Variants in FARS2 observed in about 807,000 individuals in gnomAD.
FARS2 encodes the protein phenylalanyl-tRNA synthetase 2, mitochondrial.
In FARS2, 40 loss-of-function variants were observed where a neutral mutation model predicts 46.4. The observed-to-expected ratio is 0.86, with a 90% CI of 0.67 to 1.12. The LOEUF (loss-of-function observed/expected upper bound fraction) is 1.12. Ranked by LOEUF, FARS2 falls within the 50% of genes most tolerant of loss-of-function variation. The pLI, the probability that FARS2 is intolerant of heterozygous loss-of-function variation, is 0.00. For missense variants in FARS2, 513 were observed against 567.9 expected, an observed-to-expected ratio of 0.90 and a Z score of 0.98; for synonymous variants, 234 against 214.9, an observed-to-expected ratio of 1.09 and a Z score of -0.78.
At chr6:5,537,581 G>T (rs1770295784) in intron 4 of FARS2, among the ~76,000 whole-genome samples, 1 of 143,500 alleles carries the variant, frequency 7.0e-6, no homozygotes, top group Non-Finnish European at 1.5e-5. Flanking sequence ...TCTCGAGTTG[G>T]AGATGTCCCG....
intron 4 of FARS2, among the ~76,000 whole-genome samples, chr6:5,533,636 T>C (rs1190949394): frequency 1.3e-5 from 2 of 152,178 alleles, no homozygotes; most frequent in African/African-American, 4.8e-5. Flanking sequence ...GAAAAGGCTG[T>C]AGCGTATTAG....
chr6:5,735,201 A>C (rs1760875025), intron 6 of FARS2, among the ~76,000 whole-genome samples: 2 of 152,246 alleles, frequency 1.3e-5, no homozygotes, highest in Admixed American at 1.3e-4. Context: ...ACATCTATGC[A>C]ATATGTCTAT....
chr6:5,769,752 C>A (rs1406290188), intron 6 of FARS2, among the ~76,000 whole-genome samples: 1 of 152,210 alleles, frequency 6.6e-6, no homozygotes, highest in Non-Finnish European at 1.5e-5. Flanking sequence ...AGAAAACTTC[C>A]ACCCCCAGCC....
chr6:5,461,242 A>G (rs1464506353), intron 4 of FARS2, among the ~76,000 whole-genome samples: 1 of 151,756 alleles, frequency 6.6e-6, no homozygotes, highest in Non-Finnish European at 1.5e-5. Flanking sequence ...GTTTCACTAC[A>G]TTGCCTAGGC....
intron 6 of FARS2, among the ~76,000 whole-genome samples, chr6:5,671,971 C>T (rs1778490254): frequency 6.6e-6 from 1 of 152,220 alleles, no homozygotes; most frequent in Non-Finnish European, 1.5e-5. Flanking sequence ...TTGCGGAAGA[C>T]ATTGTCCTAC....
At chr6:5,473,510 G>C (rs1481347530) in intron 4 of FARS2, among the ~76,000 whole-genome samples, 6 of 134,748 alleles carry the variant, frequency 4.5e-5, no homozygotes, top group Non-Finnish European at 9.2e-5. Context: ...CTGGGCGACA[G>C]AGCGAGACTC....
chr6:5,587,422 T>C (rs1773678227), intron 5 of FARS2, among the ~76,000 whole-genome samples: 1 of 152,232 alleles, frequency 6.6e-6, no homozygotes, highest in African/African-American at 2.4e-5. Flanking sequence ...CATGAAATAC[T>C]GTTTTCAAAA....
chr6:5,729,014 G>A (rs1487419622), intron 6 of FARS2, among the ~76,000 whole-genome samples: 4 of 152,176 alleles, frequency 2.6e-5, no homozygotes, highest in African/African-American at 7.2e-5. Flanking sequence ...TAGGACGCCC[G>A]CTACCTGGGA....
intron 4 of FARS2, among the ~76,000 whole-genome samples, chr6:5,437,642 A>G (rs1000322961): frequency 3.3e-5 from 5 of 152,076 alleles, no homozygotes; most frequent in African/African-American, 1.2e-4. Context: ...TGTTTCATTT[A>G]TATTACAATA....
intron 1 of FARS2, among the ~76,000 whole-genome samples, chr6:5,324,805 C>G (rs1001558401): frequency 3.9e-5 from 6 of 152,074 alleles, no homozygotes; most frequent in African/African-American, 1.4e-4. Flanking sequence ...GAAGAAGTGC[C>G]CCAAGGTCAC....
At chr6:5,432,620 A>G (rs1763292456) in intron 4 of FARS2, among the ~76,000 whole-genome samples, 1 of 148,690 alleles carries the variant, frequency 6.7e-6, no homozygotes, top group South Asian at 2.1e-4. Context: ...AGTGAGCACC[A>G]AATTGGATAG....
chr6:5,376,814 T>G (rs1044560595), intron 2 of FARS2, among the ~76,000 whole-genome samples: 1 of 152,198 alleles, frequency 6.6e-6, no homozygotes, highest in Non-Finnish European at 1.5e-5. Flanking sequence ...CTTTGTCTAT[T>G]TCTCTTTTTA....
At chr6:5,461,088 G>A (rs182076084) in intron 4 of FARS2, among the ~76,000 whole-genome samples, 1 of 151,836 alleles carries the variant, frequency 6.6e-6, no homozygotes, top group Non-Finnish European at 1.5e-5. Flanking sequence ...ATTTAAGTTG[G>A]AGTGCAGTGG....
chr6:5,629,305 C>A (rs1776180735), intron 6 of FARS2, among the ~76,000 whole-genome samples: 1 of 152,138 alleles, frequency 6.6e-6, no homozygotes, highest in African/African-American at 2.4e-5. Context: ...AAACGTGTCA[C>A]CATGATTTCA....
intron 4 of FARS2, among the ~76,000 whole-genome samples, chr6:5,528,407 T>G (rs1030973198): frequency 6.6e-6 from 1 of 152,172 alleles, no homozygotes; most frequent in Non-Finnish European, 1.5e-5. Flanking sequence ...GTTCAGGATG[T>G]TTAAAGTGAC....
chr6:5,459,268 C>CTAA (rs1449856815), intron 4 of FARS2, among the ~76,000 whole-genome samples: 2 of 152,192 alleles, frequency 1.3e-5, no homozygotes, highest in African/African-American at 4.8e-5. Context: ...ATCTAATTAA[C>CTAA]CTTTAGCTAA....
At chr6:5,626,365 T>C (rs1198800341) in intron 6 of FARS2, among the ~76,000 whole-genome samples, 1 of 152,050 alleles carries the variant, frequency 6.6e-6, no homozygotes, top group Non-Finnish European at 1.5e-5. Flanking sequence ...CCAGAAGTAT[T>C]TCTGTAGGTC....
chr6:5,719,428 A>AG (rs1701619422), intron 6 of FARS2, among the ~76,000 whole-genome samples: 5 of 43,706 alleles, frequency 1.1e-4, no homozygotes, highest in African/African-American at 3.1e-4. Context: ...AGAAAGAAAA[A>AG]GAAAGGAAAG....
At chr6:5,368,299 G>A (rs1490590789) in intron 1 of FARS2, among the ~76,000 whole-genome samples, 1 of 152,166 alleles carries the variant, frequency 6.6e-6, no homozygotes. Flanking sequence ...ACAAAGCCAA[G>A]GATCTGAATG....
Sources: allele counts gnomAD v4.1 joint callset (sites outside exome capture counted in the v4.1 genomes callset), GRCh38; gene constraint gnomAD v4.1.1; transcripts MANE v1.5; gene names NCBI Gene and HGNC (gene_info 2026-07-23, HGNC 2026-07-21).